Variants in SLC35D1 observed in about 807,000 individuals in gnomAD.
SLC35D1 encodes solute carrier family 35 member D1.
A neutral mutation model predicts 46.7 loss-of-function variants in SLC35D1; 31 were observed. The ratio of observed to expected loss-of-function variants is 0.66; its 90% CI spans 0.50 to 0.90. SLC35D1 has a LOEUF of 0.90. Ranked by LOEUF, SLC35D1 falls within the 40% of genes least tolerant of loss-of-function variation. The probability of loss-of-function intolerance (pLI) is 0.00; values close to 1 mark genes in which losing one functional copy is unlikely to be tolerated. For missense variants in SLC35D1, 397 were observed against 426.2 expected (o/e 0.93, Z 0.60); for synonymous variants, 195 against 164.6 (o/e 1.18, Z -1.41).
Position 67,054,057 on chromosome 1 carries a change from C to A in SLC35D1, c.-44G>T. 2 of 1,595,264 alleles carry A rather than the reference C, an allele frequency of 1.3e-6. No individual in the cohort carries two copies. The highest frequency in any genetic ancestry group is 1.1e-5 in the South Asian group (1 of 89,952). ...GGCCTGGCGGCGGGGCCTAGCGGCT[C>A]GGGGGCCTGCAGCGGCAGCTCCCAG... On this transcript the variant is annotated 5_prime_UTR_variant, in exon 1 of 12. Transcript: ENST00000235345.
chr1:67,036,505 A>G (rs1239563391), intron 8 of SLC35D1, among the ~76,000 whole-genome samples: 1 of 152,054 alleles, frequency 6.6e-6, no homozygotes, highest in Non-Finnish European at 1.5e-5. Flanking sequence ...CTCTTGCTCA[A>G]TTTACCCCTT....
chr1:67,025,380 G>C lies in SLC35D1; in HGVS notation c.730-3778C>G, dbSNP rs565169664. Reference sequence around the variant, plus strand: ...CTATTTTCACACCTTTGACAAAAATGATTGCCCACATGGTATATTTCTATT... The same window carrying C: ...CTATTTTCACACCTTTGACAAAAATCATTGCCCACATGGTATATTTCTATT... On this transcript the variant is annotated intron_variant, in intron 8 of 11. Transcript: ENST00000235345. 2.6e-5 allele frequency among the ~76,000 whole-genome samples: 4 copies of C among 152,254 alleles called. No homozygotes were observed. In the East Asian group the frequency reaches 5.8e-4, roughly 22 times the overall value.
intron 9 of SLC35D1, 48 bp from the exon 10 acceptor site, chr1:67,020,495 A>C (rs1173113398): frequency 7.7e-7 from 1 of 1,306,080 alleles, no homozygotes; most frequent in Admixed American, 1.7e-5. Flanking sequence ...CTTTATACTA[A>C]TCTCTAGCCA....
chr1:67,012,819 G>T (rs1667594904), intron 10 of SLC35D1, among the ~76,000 whole-genome samples: 1 of 152,048 alleles, frequency 6.6e-6, no homozygotes. Context: ...CACCACCATA[G>T]CCTGGGTTCA....
In SLC35D1 at chr1:67,042,275, G is replaced by A. The variant is rs1645197162; in HGVS notation, c.690C>T (p.Pro230=). 1 of 1,614,106 alleles carries A rather than the reference G, an allele frequency of 6.2e-7. No homozygotes were observed. Among genetic ancestry groups the A allele is most frequent in the Non-Finnish European group, 8.5e-7 (1 of 1,179,998 alleles). Residue 230 remains proline, a synonymous_variant, in exon 8 of 12, where the codon CCC becomes CCT. Transcript: ENST00000235345. The stretch of plus-strand genomic sequence containing the variant: ...CTGTGAAATACGCAATGGCCAGGGT[G>A]GGCAGAATCATGAACAGTGCATTGT... ...LYYNALFMIL[P]TLAIAYFTGD...
Position 67,038,742 on chromosome 1 carries a change from T to C in SLC35D1, c.729+3494A>G, listed in dbSNP as rs112982879. Among the ~76,000 whole-genome samples, 552 of 152,266 alleles carry C rather than the reference T, an allele frequency of 3.6e-3. 6 individuals are homozygous for C. Among genetic ancestry groups the C allele is most frequent in the African/African-American group, 0.011 (468 of 41,558 alleles). The stretch of plus-strand genomic sequence containing the variant: ...ATGTTTTTAAGTTAGAAGATACATG[T>C]TTTAAAAACTAAGTGCTGAATATAT... On this transcript the variant is annotated intron_variant, in intron 8 of 11. Transcript: ENST00000235345.
At chr1:67,047,150 G>A (rs1411442541) in intron 7 of SLC35D1, 115 bp downstream of exon 7, 2 of 762,988 alleles carry the variant, frequency 2.6e-6, no homozygotes, top group Non-Finnish European at 4.5e-6. Context: ...CCCTCAGAGA[G>A]CCACTATGTC....
Position 67,052,210 on chromosome 1 carries a change from C to T in SLC35D1, c.325-131G>A, listed in dbSNP as rs1645316895. On this transcript the variant is annotated intron_variant, in intron 3 of 11. Coordinates refer to ENST00000235345, the MANE Select transcript of SLC35D1 (RefSeq NM_015139.3). Reference sequence around the variant, plus strand: ...TTAAAACGTAAAATTAGTTATCATACACAATTTTGACACCCAAACACCCAA... The same window carrying T: ...TTAAAACGTAAAATTAGTTATCATATACAATTTTGACACCCAAACACCCAA... 1.1e-5 allele frequency: 8 copies of T among 698,526 alleles called. No individual in the cohort carries two copies. The East Asian group carries it at 1.9e-4, about 16-fold the overall frequency. 43.3% of individuals were successfully genotyped at this position (698,526 alleles called of 1,614,324 possible). A position where few individuals can be genotyped will look rare whatever the true frequency, so the allele number is the denominator to read the frequency against.
chr1:66,995,254 T>G (rs1462532271), downstream of SLC35D1, among the ~76,000 whole-genome samples: 1 of 151,700 alleles, frequency 6.6e-6, no homozygotes, highest in Non-Finnish European at 1.5e-5. Flanking sequence ...TTTGTTTTAT[T>G]TCAATGCCTT....
At chr1:66,981,964 C>G in the SLC35D1 span, 17 of 1,600,314 alleles carry the variant, frequency 1.1e-5, no homozygotes, top group Admixed American at 1.7e-5. Context: ...ATAAGGGACA[C>G]TTTCTTGCAG....
intron 6 of SLC35D1, among the ~76,000 whole-genome samples, 184 bp from the exon 7 acceptor site, chr1:67,047,551 T>C (rs997700869): frequency 6.6e-6 from 1 of 152,212 alleles, no homozygotes; most frequent in African/African-American, 2.4e-5. Flanking sequence ...CAATAAGGGA[T>C]TCCTCAGAAA....
At chr1:67,034,659 A>G (rs963544051) in intron 8 of SLC35D1, among the ~76,000 whole-genome samples, 1 of 152,038 alleles carries the variant, frequency 6.6e-6, no homozygotes, top group African/African-American at 2.4e-5. Context: ...TTCTTTTTCA[A>G]TCTGGATGCC....
the SLC35D1 span, chr1:66,985,333 C>G: frequency 2.0e-6 from 2 of 985,458 alleles, no homozygotes; most frequent in Non-Finnish European, 2.4e-6. Context: ...ACCAATTTCT[C>G]TGAGTTTCTT....
chr1:67,052,903 C>A, intron 2 of SLC35D1, 46 bp from the exon 3 acceptor site: 1 of 1,614,012 alleles, frequency 6.2e-7, no homozygotes, highest in Non-Finnish European at 8.5e-7. Context: ...CATAAAGACA[C>A]ACACAGAAGT....
rs371351754 is a variant in SLC35D1, at chr1:67,053,863, C to T, written c.151G>A (p.Val51Met). Residue 51 changes from valine (V) to methionine (M), a missense_variant, in exon 1 of 12, where the codon GTG (valine) becomes ATG (methionine). Transcript: ENST00000235345. ...LKLLAAGFYG[V>M]SSFLIVVVNK... is the part of the protein sequence containing the mutation. ...ACCACCACGATCAGGAAGGAGCTCACGCCGTAAAAGCCGGCGGCCAGCAGC... is the reference window on the plus strand; with the variant it reads ...ACCACCACGATCAGGAAGGAGCTCATGCCGTAAAAGCCGGCGGCCAGCAGC... 6.8e-6 allele frequency: 11 copies of T among 1,613,490 alleles called. No individual in the cohort carries two copies. The highest frequency in any genetic ancestry group is 9.3e-6 in the Non-Finnish European group (11 of 1,179,646).
the SLC35D1 span, chr1:66,984,487 A>G: frequency 1.0e-6 from 1 of 988,952 alleles, no homozygotes; most frequent in East Asian, 2.4e-5. Flanking sequence ...CTTCCTTGAT[A>G]ACAATAACTA....
chr1:67,022,449 C>T (rs1667827699), intron 8 of SLC35D1, among the ~76,000 whole-genome samples: 1 of 152,218 alleles, frequency 6.6e-6, no homozygotes, highest in South Asian at 2.1e-4. Flanking sequence ...TCCTTCCCCT[C>T]AACATTCGTC....
chr1:67,014,905 C>A (rs1186748216), intron 10 of SLC35D1, among the ~76,000 whole-genome samples: 1 of 150,994 alleles, frequency 6.6e-6, no homozygotes. Flanking sequence ...TGTCTCTTGG[C>A]CATACTAAGG....
intron 8 of SLC35D1, among the ~76,000 whole-genome samples, chr1:67,031,064 C>A (rs1434905818): frequency 6.6e-6 from 1 of 152,170 alleles, no homozygotes; most frequent in Non-Finnish European, 1.5e-5. Context: ...CAGAAAAATG[C>A]CCCAAATATA....
Sources: allele counts gnomAD v4.1 joint callset (sites outside exome capture counted in the v4.1 genomes callset), GRCh38; gene constraint gnomAD v4.1.1; transcripts MANE v1.5; gene names NCBI Gene and HGNC (gene_info 2026-07-23, HGNC 2026-07-21).